The following SEMA5A variants were observed in gnomAD, a reference collection of about 807,000 sequenced individuals.
SEMA5A encodes the protein semaphorin 5A.
In SEMA5A, 55 loss-of-function variants were observed where a neutral mutation model predicts 135.5. That is an observed-to-expected ratio of 0.41 (90% CI 0.33 to 0.51). SEMA5A has a LOEUF of 0.51. Among genes scored for constraint, SEMA5A ranks in the 20% least tolerant of loss-of-function variants. The pLI is 0.37. For missense variants in SEMA5A, 1,290 were observed against 1,419.9 expected (o/e 0.91, Z 1.47); for synonymous variants, 580 against 546.5 (o/e 1.06, Z -0.85).
rs143533555 is a variant in SEMA5A, at chr5:9,324,099, C to T, written c.225-5682G>A. The stretch of plus-strand genomic sequence containing the variant: ...ATTTTTTTTTTTTGAGATGGAGTCT[C>T]GCTCTTCCGCCCAGGCCAGAGCGCA... On this transcript the variant is annotated intron_variant, in intron 4 of 22. Transcript: ENST00000382496. Among the ~76,000 whole-genome samples the T allele has an allele frequency of 6.3e-3, 942 of 150,592 alleles. 12 individuals carry two copies. The highest frequency in any genetic ancestry group is 0.022 in the African/African-American group (896 of 40,510).
At chr5:9,428,158 ATCTATC>A (rs1561245238) in intron 2 of SEMA5A, among the ~76,000 whole-genome samples, 2 of 132,044 alleles carry the variant, frequency 1.5e-5, no homozygotes, top group Non-Finnish European at 3.2e-5. Flanking sequence ...CTATCTATCT[ATCTATC>A]TATCCATCCA....
At chr5:9,150,420 G>T (rs1218536649) in intron 12 of SEMA5A, among the ~76,000 whole-genome samples, 1 of 152,124 alleles carries the variant, frequency 6.6e-6, no homozygotes, top group African/African-American at 2.4e-5. Flanking sequence ...CAATTCCAAT[G>T]AGTTAGCTTT....
intron 1 of SEMA5A, among the ~76,000 whole-genome samples, chr5:9,477,496 T>A (rs1272094637): frequency 6.6e-6 from 1 of 152,184 alleles, no homozygotes; most frequent in East Asian, 1.9e-4. Flanking sequence ...GTGATGTTGA[T>A]AATCAAGTCC....
chr5:9,412,948 T>G (rs1333660095), intron 2 of SEMA5A, among the ~76,000 whole-genome samples: 1 of 152,188 alleles, frequency 6.6e-6, no homozygotes, highest in Admixed American at 6.5e-5. Context: ...GGCAAAGCAT[T>G]CCTGTACCAT....
intron 11 of SEMA5A, among the ~76,000 whole-genome samples, chr5:9,168,735 G>A (rs180744791): frequency 2.6e-5 from 4 of 152,144 alleles, no homozygotes; most frequent in African/African-American, 4.8e-5. Flanking sequence ...TCTGAGGCTC[G>A]CAGAGGCTTC....
chr5:9,393,506 C>T (rs1756255265), intron 2 of SEMA5A, among the ~76,000 whole-genome samples: 1 of 152,170 alleles, frequency 6.6e-6, no homozygotes, highest in Non-Finnish European at 1.5e-5. Context: ...CTTCGCTCCA[C>T]CATTAACCTT....
intron 1 of SEMA5A, among the ~76,000 whole-genome samples, chr5:9,530,118 G>C (rs1000781310): frequency 6.6e-6 from 1 of 152,190 alleles, no homozygotes; most frequent in Non-Finnish European, 1.5e-5. Flanking sequence ...AACTCTTGCC[G>C]CTCTGACTCT....
chr5:9,283,239 G>C (rs1319515442), intron 5 of SEMA5A, among the ~76,000 whole-genome samples: 1 of 152,138 alleles, frequency 6.6e-6, no homozygotes, highest in South Asian at 2.1e-4. Flanking sequence ...TCCATTCGTG[G>C]TTTAACCAGA....
chr5:9,044,294 C>T (rs1736120657), intron 22 of SEMA5A, 79 bp downstream of exon 22: 2 of 1,205,396 alleles, frequency 1.7e-6, no homozygotes, highest in Admixed American at 1.7e-5. Context: ...ACCACCACAG[C>T]AGAGAAAGGG....
At chr5:9,215,573 G>C (rs964953010) in intron 8 of SEMA5A, among the ~76,000 whole-genome samples, 1 of 152,142 alleles carries the variant, frequency 6.6e-6, no homozygotes, top group African/African-American at 2.4e-5. Flanking sequence ...AGTGCCTGGG[G>C]CTACTAGAGC....
At chr5:9,236,981 T>C (rs766861098) in intron 6 of SEMA5A, among the ~76,000 whole-genome samples, 67 of 152,224 alleles carry the variant, frequency 4.4e-4, no homozygotes, top group Non-Finnish European at 6.2e-4. Flanking sequence ...GCCAGTGCTC[T>C]CTGCATTTGC....
intron 5 of SEMA5A, among the ~76,000 whole-genome samples, chr5:9,275,061 T>C (rs1386161213): frequency 2.6e-5 from 4 of 151,058 alleles, no homozygotes; most frequent in Non-Finnish European, 5.9e-5. Flanking sequence ...ATTGAAAAGA[T>C]CAACAAAATA....
intron 1 of SEMA5A, among the ~76,000 whole-genome samples, chr5:9,469,378 C>T (rs961058160): frequency 1.3e-5 from 2 of 152,232 alleles, no homozygotes; most frequent in African/African-American, 2.4e-5. Context: ...TTTAGTTATG[C>T]GGAATGTTTA....
chr5:9,319,709 G>C (rs1206031965), intron 4 of SEMA5A, among the ~76,000 whole-genome samples: 1 of 151,974 alleles, frequency 6.6e-6, no homozygotes, highest in African/African-American at 2.4e-5. Context: ...ATGCAAATGA[G>C]CACGAGGTGG....
chr5:9,341,755 T>C (rs1753665872), intron 3 of SEMA5A, among the ~76,000 whole-genome samples: 1 of 150,572 alleles, frequency 6.6e-6, no homozygotes, highest in South Asian at 2.1e-4. Flanking sequence ...TAATTCATAA[T>C]ATTTGAGGTT....
intron 2 of SEMA5A, among the ~76,000 whole-genome samples, chr5:9,427,923 G>A (rs1184044704): frequency 6.6e-6 from 1 of 151,584 alleles, no homozygotes; most frequent in Non-Finnish European, 1.5e-5. Flanking sequence ...AATGCAGTAG[G>A]GTTTCATCCA....
chr5:9,209,079 C>G (rs927777100), intron 8 of SEMA5A, among the ~76,000 whole-genome samples: 2 of 152,160 alleles, frequency 1.3e-5, no homozygotes, highest in African/African-American at 4.8e-5. Flanking sequence ...ACCACTTTTA[C>G]CAAGGGGAAA....
intron 15 of SEMA5A, among the ~76,000 whole-genome samples, chr5:9,108,581 CAG>C (rs1053757084): frequency 2.6e-5 from 4 of 152,158 alleles, no homozygotes; most frequent in African/African-American, 9.7e-5. Flanking sequence ...ACCCTTCAAA[CAG>C]ACACCCAAAA....
chr5:9,398,812 A>G (rs1756521206), intron 2 of SEMA5A, among the ~76,000 whole-genome samples: 2 of 152,250 alleles, frequency 1.3e-5, no homozygotes. Flanking sequence ...TGAACCTTCT[A>G]GCACCAGGTT....
Sources: allele counts gnomAD v4.1 joint callset (sites outside exome capture counted in the v4.1 genomes callset), GRCh38; gene constraint gnomAD v4.1.1; transcripts MANE v1.5; gene names NCBI Gene and HGNC (gene_info 2026-07-23, HGNC 2026-07-21).